ASIC2: variants seen among roughly 807,000 people sequenced by gnomAD.
ASIC2 encodes acid-sensing ion channel 2.
ASIC2 carries 25 observed loss-of-function variants against 57.3 expected under a neutral mutation model. The observed-to-expected ratio is 0.44, with a 90% confidence interval of 0.32 to 0.61. The LOEUF (loss-of-function observed/expected upper bound fraction) is 0.61, where lower values mean the gene tolerates loss of function less well. Ranked by LOEUF, ASIC2 falls within the 20% of genes least tolerant of loss-of-function variation. ASIC2 has a pLI of 0.06. For missense variants in ASIC2, 641 were observed against 738.1 expected (o/e 0.87, Z 1.52); for synonymous variants, 319 against 307.5 (o/e 1.04, Z -0.39).
At chr17:33,635,015 T>A (rs1363513579) in intron 1 of ASIC2, 2 of 152,178 alleles carry the variant, frequency 1.3e-5, no homozygotes, top group African/African-American at 2.4e-5. Flanking sequence ...AGTCACACAT[T>A]TCTGTAATAT....
chr17:33,107,931 G>C (rs1256630420), intron 2 of ASIC2, among the ~76,000 whole-genome samples: 1 of 152,192 alleles, frequency 6.6e-6, no homozygotes, highest in Non-Finnish European at 1.5e-5. Context: ...AGATGTTGAG[G>C]TGCTGCAGAG....
At chr17:33,252,773 T>C (rs899518986) in intron 1 of ASIC2, among the ~76,000 whole-genome samples, 18 of 152,164 alleles carry the variant, frequency 1.2e-4, no homozygotes, top group African/African-American at 3.9e-4. Flanking sequence ...CTTTGGCTTA[T>C]TATGTGTTCT....
chr17:33,905,297 G>A (rs974773953), intron 1 of ASIC2, among the ~76,000 whole-genome samples: 1 of 152,072 alleles, frequency 6.6e-6, no homozygotes, highest in Non-Finnish European at 1.5e-5. Context: ...TTTTCTGACT[G>A]CACTACTGAC....
intron 1 of ASIC2, among the ~76,000 whole-genome samples, chr17:33,394,532 GT>G (rs1344958447): frequency 6.6e-6 from 1 of 152,182 alleles, no homozygotes; most frequent in African/African-American, 2.4e-5. Flanking sequence ...AGTGGTCAAG[GT>G]TAGAATAATG....
At chr17:33,307,984 T>C (rs1906253608) in intron 1 of ASIC2, among the ~76,000 whole-genome samples, 1 of 152,238 alleles carries the variant, frequency 6.6e-6, no homozygotes, top group Admixed American at 6.5e-5. Context: ...TTTAAGATTT[T>C]CTTATTCATC....
intron 1 of ASIC2, among the ~76,000 whole-genome samples, chr17:33,447,496 C>A (rs59393233): frequency 0.19 from 29,646 of 152,052 alleles, 3,002 homozygotes; most frequent in East Asian, 0.25. Flanking sequence ...ATGAGAGGGG[C>A]TAGGCCTTCT....
chr17:33,109,969 C>T (rs933270926), intron 2 of ASIC2, among the ~76,000 whole-genome samples: 2 of 152,114 alleles, frequency 1.3e-5, no homozygotes, highest in African/African-American at 2.4e-5. Context: ...GTGCTCAGAC[C>T]AAGGCCATAT....
intron 1 of ASIC2, among the ~76,000 whole-genome samples, chr17:33,136,050 C>T (rs140762784): frequency 3.9e-5 from 6 of 152,250 alleles, no homozygotes; most frequent in East Asian, 1.9e-4. Flanking sequence ...TGTCAGTGGG[C>T]GTAATGTTCA....
Position 33,798,843 on chromosome 17 carries a change from A to AG in ASIC2, c.555+357134dup, listed in dbSNP as rs1375229474. 2.6e-5 allele frequency among the ~76,000 whole-genome samples: 4 copies of AG among 152,148 alleles called. No individual in the cohort carries two copies. The East Asian group carries it at 7.7e-4, about 29-fold the overall frequency. The stretch of plus-strand genomic sequence containing the variant: ...GCAATTTCTGCTGTTTGCAATGGTC[A>AG]GGGGAAAATGCCAGCCCTGGGCTGG... On this transcript the variant is annotated intron_variant, in intron 1 of 9. Coordinates refer to the ASIC2 transcript ENST00000359872.
chr17:33,147,690 AC>A (rs1228225643), intron 1 of ASIC2, among the ~76,000 whole-genome samples: 1 of 152,118 alleles, frequency 6.6e-6, no homozygotes, highest in African/African-American at 2.4e-5. Context: ...AGCAAAAATG[AC>A]CCCACACTAC....
At chr17:33,616,640 T>C (rs1905613203) in intron 1 of ASIC2, among the ~76,000 whole-genome samples, 1 of 151,328 alleles carries the variant, frequency 6.6e-6, no homozygotes, top group Non-Finnish European at 1.5e-5. Flanking sequence ...TGCCTGTTAA[T>C]ACCCAGTATC....
At chr17:34,009,363 G>T (rs900868792) in intron 1 of ASIC2, among the ~76,000 whole-genome samples, 2 of 152,164 alleles carry the variant, frequency 1.3e-5, no homozygotes, top group African/African-American at 2.4e-5. Flanking sequence ...GTTATTGAGC[G>T]CCTGCAGTGT....
At chr17:34,079,424 C>G (rs1909796825) in intron 1 of ASIC2, among the ~76,000 whole-genome samples, 1 of 152,228 alleles carries the variant, frequency 6.6e-6, no homozygotes, top group South Asian at 2.1e-4. Context: ...CCTTTTAAGT[C>G]TCTGCTCTAG....
At chr17:33,856,257 A>G (rs1159757999) in intron 1 of ASIC2, among the ~76,000 whole-genome samples, 2 of 152,230 alleles carry the variant, frequency 1.3e-5, no homozygotes, top group East Asian at 1.9e-4. Context: ...AAGCATCAAT[A>G]TCAATTTCAT....
intron 1 of ASIC2, among the ~76,000 whole-genome samples, chr17:33,440,977 C>A (rs1337043389): frequency 6.6e-6 from 1 of 151,450 alleles, no homozygotes; most frequent in Non-Finnish European, 1.5e-5. Context: ...CTTTTCTTTT[C>A]TTTTTTTTAA....
intron 2 of ASIC2, among the ~76,000 whole-genome samples, chr17:33,093,913 C>T (rs948295220): frequency 2.0e-5 from 3 of 152,260 alleles, no homozygotes; most frequent in Middle Eastern, 3.4e-3. Context: ...AGAGAGTGAA[C>T]GTGCTGATAC....
At chr17:33,267,986 C>T (rs181914360) in intron 1 of ASIC2, among the ~76,000 whole-genome samples, 211 of 152,198 alleles carry the variant, frequency 1.4e-3, no homozygotes, top group Non-Finnish European at 2.1e-3. Flanking sequence ...GGTTCCTCAC[C>T]GTGCATGCGT....
In ASIC2 at chr17:33,478,095, T is replaced by C. The variant is rs12453896; in HGVS notation, c.556-366028A>G. Among the ~76,000 whole-genome samples, 792 of 152,154 alleles carry C rather than the reference T, an allele frequency of 5.2e-3. 24 individuals carry two copies. The highest frequency in any genetic ancestry group is 0.047 in the Admixed American group (724 of 15,292). Reference sequence around the variant, plus strand: ...GACCCAAGGGGAACAAGGTAGCTTATTAGGTAGGTGAGGGCTCAGAGTCAG... The same window carrying C: ...GACCCAAGGGGAACAAGGTAGCTTACTAGGTAGGTGAGGGCTCAGAGTCAG... On this transcript the variant is annotated intron_variant, in intron 1 of 9. Coordinates refer to the ASIC2 transcript ENST00000359872.
At chr17:33,035,820 G>C (rs2091906697) in intron 3 of ASIC2, among the ~76,000 whole-genome samples, 2 of 152,272 alleles carry the variant, frequency 1.3e-5, no homozygotes, top group South Asian at 2.1e-4. Context: ...ACCTAGATTT[G>C]TGTAAAAATT....
Sources: gnomAD v4.1 joint callset for allele counts (sites outside exome capture counted in the v4.1 genomes callset) on GRCh38, gnomAD v4.1.1 for gene constraint, MANE v1.5 for transcripts, NCBI Gene and HGNC (gene_info 2026-07-23, HGNC 2026-07-21) for gene names.